The following TANC2 variants were observed in gnomAD, a reference collection of about 807,000 sequenced individuals.
TANC2 encodes protein TANC2.
Under a neutral mutation model 210.5 loss-of-function variants are expected in TANC2, and 26 were observed. The observed-to-expected ratio is 0.12, with a 90% CI of 0.09 to 0.17. TANC2 has a LOEUF of 0.17. TANC2 is among the 10% of genes least tolerant of loss of function. The pLI is 1.00. For synonymous variants in TANC2, 931 were observed against 967.1 expected (o/e 0.96, Z 0.69); for missense variants, 2,129 against 2,608.9 (o/e 0.82, Z 4.01).
chr17:63,156,045 A>C (rs1234005033), intron 5 of TANC2, among the ~76,000 whole-genome samples: 4 of 152,120 alleles, frequency 2.6e-5, no homozygotes, highest in African/African-American at 9.7e-5. Flanking sequence ...AGAACATTAT[A>C]AAATGTTATC....
At chr17:63,202,892 G>A (rs949941468) in intron 7 of TANC2, among the ~76,000 whole-genome samples, 16 of 152,028 alleles carry the variant, frequency 1.1e-4, no homozygotes, top group African/African-American at 3.6e-4. Flanking sequence ...AATTTATAAA[G>A]TGGCATGTTA....
At position 63,277,471 on chromosome 17, in the gene TANC2, A is replaced by G. The variant is rs528207198; in HGVS notation, c.1159+9598A>G. ...CTAATCAGTATAATGCCTGGCTGCC[A>G]AAGTAATCTTTCTAAAATGCAGCTC... is the stretch of plus-strand genomic sequence containing the variant. On this transcript the variant is annotated intron_variant, in intron 9 of 27. Coordinates refer to ENST00000689528, the Ensembl canonical transcript of TANC2. Among the ~76,000 whole-genome samples, 4 of 151,660 alleles carry G rather than the reference A, an allele frequency of 2.6e-5. No homozygotes were observed. The South Asian group carries it at 8.4e-4, about 32-fold the overall frequency.
intron 5 of TANC2, chr17:63,154,579 C>G (rs1176202306): frequency 6.6e-6 from 1 of 152,000 alleles, no homozygotes; most frequent in Non-Finnish European, 1.5e-5. Context: ...CTACCTGTTT[C>G]TTCATCTGTA....
At position 63,220,358 on chromosome 17, in the gene TANC2, G is replaced by A. The variant is rs534751443; in HGVS notation, c.770-17456G>A. Among the ~76,000 whole-genome samples, 5 of 151,406 alleles carry A rather than the reference G, an allele frequency of 3.3e-5. No homozygotes were observed. The South Asian group carries it at 1.0e-3, about 32-fold the overall frequency. On this transcript the variant is annotated intron_variant, in intron 7 of 27. Transcript: ENST00000689528. ...CACTAGCAACTCATTTTTGACAAAG[G>A]AATCAAGGCATTTTAGTGAGAAAAG...
chr17:63,172,369 A>T (rs954759798), intron 5 of TANC2, among the ~76,000 whole-genome samples: 2 of 151,590 alleles, frequency 1.3e-5, no homozygotes, highest in Non-Finnish European at 2.9e-5. Flanking sequence ...TTTTTAGTAG[A>T]CAGGGTTTCA....
intron 9 of TANC2, among the ~76,000 whole-genome samples, chr17:63,286,756 C>A (rs969528056): frequency 1.3e-5 from 2 of 152,164 alleles, no homozygotes; most frequent in Non-Finnish European, 2.9e-5. Context: ...AGTTATCTCA[C>A]AGTTCACTGA....
rs147765804 is a variant in TANC2, at chr17:63,159,650, AGCATTTACATT to A, written c.433+8275_433+8285del. On this transcript the variant is annotated intron_variant, in intron 5 of 27. Transcript: ENST00000689528. ...AATATGGTATAATAGCTATTTACAT[AGCATTTACATT>A]GCATATGGTATTGTAAGTAACCTAG... 8.2e-3 allele frequency among the ~76,000 whole-genome samples: 1,256 copies of A among 152,348 alleles called. 13 individuals carry two copies. Among genetic ancestry groups the A allele is most frequent in the African/African-American group, 0.028 (1,148 of 41,572 alleles).
At chr17:63,044,342 AAATAT>A (rs2035298865) in intron 2 of TANC2, among the ~76,000 whole-genome samples, 1 of 152,144 alleles carries the variant, frequency 6.6e-6, no homozygotes, top group Admixed American at 6.6e-5. Flanking sequence ...GTGTGTTTTA[AAATAT>A]AATAGGTGGT....
chr17:63,255,744 CA>C (rs966051667), intron 8 of TANC2, among the ~76,000 whole-genome samples: 1 of 151,006 alleles, frequency 6.6e-6, no homozygotes, highest in Non-Finnish European at 1.5e-5. Flanking sequence ...TTATCTTCTC[CA>C]AAAAAAACTT....
intron 2 of TANC2, among the ~76,000 whole-genome samples, chr17:63,046,613 C>G (rs577051906): frequency 6.6e-6 from 1 of 151,812 alleles, no homozygotes; most frequent in African/African-American, 2.4e-5. Context: ...AGCCACCACA[C>G]CCGGCCTTTA....
intron 17 of TANC2, chr17:63,391,473 A>G (rs2047971051): frequency 6.6e-6 from 1 of 152,226 alleles, no homozygotes; most frequent in South Asian, 2.1e-4. Context: ...TCATCTATAA[A>G]AAGGGTGTTA....
intron 7 of TANC2, among the ~76,000 whole-genome samples, chr17:63,225,857 A>G (rs1019143381): frequency 2.6e-5 from 4 of 152,276 alleles, no homozygotes; most frequent in African/African-American, 9.6e-5. Context: ...TTGTAAAAAA[A>G]GATTACGTTT....
At chr17:62,980,571 TG>T (rs1333720992) in intron 1 of TANC2, among the ~76,000 whole-genome samples, 1 of 152,184 alleles carries the variant, frequency 6.6e-6, no homozygotes, top group African/African-American at 2.4e-5. Context: ...TGCAATACTC[TG>T]GCTTCCTGAC....
intron 14 of TANC2, among the ~76,000 whole-genome samples, chr17:63,357,929 A>G (rs1289593362): frequency 6.6e-6 from 1 of 152,184 alleles, no homozygotes; most frequent in Non-Finnish European, 1.5e-5. Flanking sequence ...AAAGAAGACC[A>G]ATTCAGTGCC....
At chr17:63,248,911 A>G (rs1226183999) in intron 8 of TANC2, among the ~76,000 whole-genome samples, 7 of 152,168 alleles carry the variant, frequency 4.6e-5, no homozygotes, top group Non-Finnish European at 1.0e-4. Flanking sequence ...TACATATGAC[A>G]TAAATGGAAG....
At chr17:63,212,848 A>G (rs546918403) in intron 7 of TANC2, among the ~76,000 whole-genome samples, 2 of 152,226 alleles carry the variant, frequency 1.3e-5, no homozygotes, top group African/African-American at 4.8e-5. Flanking sequence ...TCTACCACCT[A>G]TCAGGACTAC....
At chr17:63,149,594 C>A (rs192432956) in intron 4 of TANC2, 78 of 152,134 alleles carry the variant, frequency 5.1e-4, no homozygotes, top group Non-Finnish European at 5.3e-4. Context: ...GACTTAAGAG[C>A]CTTAAGGATT....
At chr17:63,411,418 G>A in intron 21 of TANC2, 93 bp from the exon 22 acceptor site, 1 of 1,264,624 alleles carries the variant, frequency 7.9e-7, no homozygotes, top group Non-Finnish European at 1.1e-6. Context: ...AACGAGCAGT[G>A]TTCTTTGCAG....
chr17:63,267,469 T>C (rs1016365032), intron 8 of TANC2, among the ~76,000 whole-genome samples: 1 of 152,170 alleles, frequency 6.6e-6, no homozygotes, highest in African/African-American at 2.4e-5. Flanking sequence ...ATAGGAAATA[T>C]TTAATCCCTC....
Sources: allele counts gnomAD v4.1 joint callset (sites outside exome capture counted in the v4.1 genomes callset), GRCh38; gene constraint gnomAD v4.1.1; transcripts MANE v1.5; gene names NCBI Gene and HGNC (gene_info 2026-07-23, HGNC 2026-07-21).